The following RBFOX1 variants were observed in gnomAD, a reference collection of about 807,000 sequenced individuals.
The protein encoded by RBFOX1 is RNA binding fox-1 homolog 1.
Under a neutral mutation model 57.7 loss-of-function variants are expected in RBFOX1, and 8 were observed. That is an observed-to-expected ratio of 0.14 (90% confidence interval 0.08 to 0.25). RBFOX1 has a LOEUF of 0.25. Among genes scored for constraint, RBFOX1 ranks in the 10% least tolerant of loss-of-function variants. The probability of loss-of-function intolerance (pLI) is 1.00; values close to 1 mark genes in which losing one functional copy is unlikely to be tolerated. For missense variants in RBFOX1, 611 were observed against 548.5 expected, an observed-to-expected ratio of 1.11 and a Z score of -1.14; for synonymous variants, 326 against 222.4, an observed-to-expected ratio of 1.47 and a Z score of -4.15.
chr16:5,732,476 G>C (rs1290276151), intron 3 of RBFOX1, among the ~76,000 whole-genome samples: 2 of 152,158 alleles, frequency 1.3e-5, no homozygotes, highest in Non-Finnish European at 2.9e-5. Context: ...GTTGGCTCTA[G>C]GGCACTTGTC....
At chr16:6,158,734 G>A (rs1339798639) in intron 1 of RBFOX1, among the ~76,000 whole-genome samples, 2 of 152,054 alleles carry the variant, frequency 1.3e-5, no homozygotes, top group Admixed American at 6.6e-5. Flanking sequence ...AGAAGTAAAC[G>A]GTCCAAGTTT....
intron 4 of RBFOX1, among the ~76,000 whole-genome samples, chr16:5,876,485 C>G (rs558585897): frequency 1.6e-4 from 25 of 152,284 alleles, no homozygotes; most frequent in African/African-American, 6.0e-4. Flanking sequence ...CACCTCCAGT[C>G]TCTTAGAGGC....
intron 14 of RBFOX1, among the ~76,000 whole-genome samples, chr16:7,702,017 T>A (rs2080898714): frequency 6.6e-6 from 1 of 152,206 alleles, no homozygotes; most frequent in African/African-American, 2.4e-5. Flanking sequence ...TGTCTCTCCA[T>A]GTACCTGCAT....
intron 4 of RBFOX1, among the ~76,000 whole-genome samples, chr16:5,985,545 C>T (rs1274801286): frequency 6.6e-6 from 1 of 152,096 alleles, no homozygotes; most frequent in Non-Finnish European, 1.5e-5. Flanking sequence ...CATCTAATAG[C>T]AGAGGGAAGG....
At chr16:7,685,603 C>G (rs956896648) in intron 14 of RBFOX1, among the ~76,000 whole-genome samples, 2 of 152,028 alleles carry the variant, frequency 1.3e-5, no homozygotes, top group African/African-American at 2.4e-5. Flanking sequence ...AGAGGTGGTG[C>G]AAATGTTATC....
At chr16:7,042,702 G>A (rs1403388396) in intron 3 of RBFOX1, among the ~76,000 whole-genome samples, 2 of 152,184 alleles carry the variant, frequency 1.3e-5, no homozygotes, top group Non-Finnish European at 2.9e-5. Context: ...CAGGCGGGCG[G>A]ATCATTTGAG....
chr16:6,944,063 C>A (rs1457573563), intron 3 of RBFOX1, among the ~76,000 whole-genome samples: 1 of 152,070 alleles, frequency 6.6e-6, no homozygotes, highest in African/African-American at 2.4e-5. Context: ...CACTGCAAAG[C>A]CTGAAACCTG....
intron 3 of RBFOX1, among the ~76,000 whole-genome samples, chr16:6,839,303 T>C (rs1036369208): frequency 6.6e-6 from 1 of 152,138 alleles, no homozygotes; most frequent in African/African-American, 2.4e-5. Flanking sequence ...TCAACATAGC[T>C]GCCTCAGTCT....
chr16:5,648,532 G>GT (rs1350979901), intron 3 of RBFOX1, among the ~76,000 whole-genome samples: 1 of 152,142 alleles, frequency 6.6e-6, no homozygotes, highest in African/African-American at 2.4e-5. Flanking sequence ...CGGGGAGGTG[G>GT]TACTGGCATC....
chr16:7,012,646 C>A (rs2093706644), intron 3 of RBFOX1, among the ~76,000 whole-genome samples: 1 of 152,152 alleles, frequency 6.6e-6, no homozygotes, highest in East Asian at 1.9e-4. Flanking sequence ...ATCCAACAGA[C>A]CTTTCTTTAT....
chr16:7,099,764 A>G (rs1029352493), intron 4 of RBFOX1, among the ~76,000 whole-genome samples: 1 of 152,176 alleles, frequency 6.6e-6, no homozygotes, highest in African/African-American at 2.4e-5. Flanking sequence ...AGATTTACAC[A>G]TATTCTGATG....
At chr16:5,934,760 G>A (rs1278597274) in intron 4 of RBFOX1, among the ~76,000 whole-genome samples, 2 of 152,110 alleles carry the variant, frequency 1.3e-5, no homozygotes, top group African/African-American at 4.8e-5. Context: ...TAATGTGGGG[G>A]ACTGACCCAC....
At chr16:6,385,303 GC>G (rs1412488384) in intron 2 of RBFOX1, among the ~76,000 whole-genome samples, 1 of 152,136 alleles carries the variant, frequency 6.6e-6, no homozygotes, top group Non-Finnish European at 1.5e-5. Flanking sequence ...TCCCAGCTGT[GC>G]CCATGACATT....
At chr16:6,860,174 G>C (rs1045722913) in intron 3 of RBFOX1, among the ~76,000 whole-genome samples, 2 of 152,110 alleles carry the variant, frequency 1.3e-5, no homozygotes, top group Admixed American at 6.6e-5. Flanking sequence ...CATTTTCTGA[G>C]TCATCTGCAA....
At chr16:5,782,039 T>A (rs1185268478) in intron 3 of RBFOX1, among the ~76,000 whole-genome samples, 1 of 152,180 alleles carries the variant, frequency 6.6e-6, no homozygotes, top group Non-Finnish European at 1.5e-5. Flanking sequence ...AAACCCCGTC[T>A]CTACTAAAAA....
At chr16:6,379,199 A>T (rs953532558) in intron 2 of RBFOX1, among the ~76,000 whole-genome samples, 1 of 152,170 alleles carries the variant, frequency 6.6e-6, no homozygotes, top group African/African-American at 2.4e-5. Flanking sequence ...CCCCTGTAGA[A>T]GACCCAGCTG....
At chr16:7,084,067 G>A (rs74008718) in intron 4 of RBFOX1, among the ~76,000 whole-genome samples, 85 of 152,208 alleles carry the variant, frequency 5.6e-4, no homozygotes, top group African/African-American at 2.0e-3. Flanking sequence ...CCACCCGGGG[G>A]CTTCTGATCA....
At chr16:6,561,175 G>T (rs1051923852) in intron 2 of RBFOX1, among the ~76,000 whole-genome samples, 1 of 152,134 alleles carries the variant, frequency 6.6e-6, no homozygotes, top group African/African-American at 2.4e-5. Context: ...TCCTTAAAAT[G>T]AATATGCTTC....
At chr16:5,402,124 G>A (rs1326639036) in intron 1 of RBFOX1, among the ~76,000 whole-genome samples, 1 of 151,542 alleles carries the variant, frequency 6.6e-6, no homozygotes, top group Non-Finnish European at 1.5e-5. Context: ...GGCTTCAGAG[G>A]CAAGAGGAAG....
Sources: allele counts gnomAD v4.1 joint callset (sites outside exome capture counted in the v4.1 genomes callset), GRCh38; gene constraint gnomAD v4.1.1; transcripts MANE v1.5; gene names NCBI Gene and HGNC (gene_info 2026-07-23, HGNC 2026-07-21).